The following RNF4 variants were observed in gnomAD, a reference collection of about 807,000 sequenced individuals.
RNF4 encodes the protein E3 ubiquitin-protein ligase RNF4.
RNF4 carries 7 observed loss-of-function variants against 24.3 expected under a neutral mutation model. The ratio of observed to expected loss-of-function variants is 0.29; its 90% CI spans 0.16 to 0.54. The LOEUF (loss-of-function observed/expected upper bound fraction) is 0.54, where lower values mean the gene tolerates loss of function less well. Among genes scored for constraint, RNF4 ranks in the 20% least tolerant of loss-of-function variants. The pLI is 0.95. For synonymous variants in RNF4, 83 were observed against 84.3 expected (o/e 0.98, Z 0.09); for missense variants, 209 against 248.5 (o/e 0.84, Z 1.07).
chr4:2,493,523 C>A (rs888095168), intron 2 of RNF4, among the ~76,000 whole-genome samples: 5 of 151,912 alleles, frequency 3.3e-5, no homozygotes, highest in African/African-American at 1.2e-4. Flanking sequence ...CATGGTGGAT[C>A]ACAAGGTCAG....
intron 4 of RNF4, among the ~76,000 whole-genome samples, chr4:2,504,699 C>A (rs1030039990): frequency 6.8e-6 from 1 of 148,022 alleles, no homozygotes; most frequent in Non-Finnish European, 1.5e-5. Flanking sequence ...TACAGGCAGC[C>A]GCCACCATGC....
At chr4:2,474,381 CAAAAAAAAAA>C (rs35982596) in intron 1 of RNF4, among the ~76,000 whole-genome samples, 9 of 105,288 alleles carry the variant, frequency 8.5e-5, no homozygotes, top group Admixed American at 3.2e-4. Context: ...GACTCTGTCT[CAAAAAAAAAA>C]AAAAAAAAAG....
intron 1 of RNF4, among the ~76,000 whole-genome samples, chr4:2,479,567 C>G (rs1258729684): frequency 2.6e-5 from 4 of 152,190 alleles, no homozygotes; most frequent in African/African-American, 7.2e-5. Flanking sequence ...CACAAGCTCT[C>G]TTTGCCTGCC....
chr4:2,515,747 A>G lies in RNF4; in HGVS notation c.*1928A>G, dbSNP rs1396878649. ...AATGTCTTTCCTTTTTTCAATGTAC[A>G]TAGTTCAACTCTTTCTTTGTTACAT... On this transcript the variant is annotated 3_prime_UTR_variant, in exon 8 of 8. Coordinates refer to ENST00000314289, the MANE Select transcript of RNF4 (RefSeq NM_002938.5). 1 of 152,634 alleles carries G rather than the reference A, an allele frequency of 6.6e-6. No individual in the cohort carries two copies. The highest frequency in any genetic ancestry group is 1.5e-5 in the Non-Finnish European group (1 of 68,036). The allele number at this position is 152,634 out of a possible 1,614,324, so 9.5% of individuals were successfully genotyped here. A position where few individuals can be genotyped will look rare whatever the true frequency, so the allele number is the denominator to read the frequency against.
chr4:2,493,105 C>G lies in RNF4; in HGVS notation c.9+2603C>G, dbSNP rs184026204. 3.9e-4 allele frequency among the ~76,000 whole-genome samples: 59 copies of G among 152,226 alleles called. 1 individual carries two copies. Among genetic ancestry groups the G allele is most frequent in the Admixed American group, 2.3e-3 (35 of 15,276 alleles). ...GCAGATATTCCTGGATTGATTGAGC[C>G]TGTCTTGAGTGGTGCAGGGAAGCTA... On this transcript the variant is annotated intron_variant, in intron 2 of 7. Transcript: ENST00000314289.
chr4:2,490,451 T>A lies in RNF4; in HGVS notation c.-43T>A. ...ACTTCCCTGCAAACCTTGGTATAGATCACTTCCTTTTCTGTAGGAAAGGAA... is the reference window on the plus strand; with the variant it reads ...ACTTCCCTGCAAACCTTGGTATAGAACACTTCCTTTTCTGTAGGAAAGGAA... On this transcript the variant is annotated 5_prime_UTR_variant, in exon 2 of 8. Transcript: ENST00000314289. 6.2e-7 allele frequency: 1 copy of A among 1,608,664 alleles called. No homozygotes were observed. The highest frequency in any genetic ancestry group is 2.2e-5 in the East Asian group (1 of 44,820).
intron 1 of RNF4, among the ~76,000 whole-genome samples, chr4:2,474,895 G>A (rs934075684): frequency 6.6e-6 from 1 of 151,980 alleles, no homozygotes; most frequent in Non-Finnish European, 1.5e-5. Flanking sequence ...GGCGTGGTGG[G>A]GCATGCCTGT....
chr4:2,481,338 A>G (rs1735237544), intron 1 of RNF4: 1 of 151,468 alleles, frequency 6.6e-6, no homozygotes, highest in African/African-American at 2.4e-5. Flanking sequence ...CCCTAATTCC[A>G]TTTTTCCTCA....
intron 1 of RNF4, among the ~76,000 whole-genome samples, chr4:2,477,153 G>A (rs182021922): frequency 4.6e-5 from 7 of 152,290 alleles, no homozygotes; most frequent in South Asian, 2.1e-4. Flanking sequence ...TACAGGTGCT[G>A]ATATGGTTTG....
At chr4:2,486,860 T>C (rs1560404043) in intron 1 of RNF4, among the ~76,000 whole-genome samples, 1 of 152,166 alleles carries the variant, frequency 6.6e-6, no homozygotes. Flanking sequence ...GACACGCTAT[T>C]GATGTGGCGG....
intron 3 of RNF4, 43 bp downstream of exon 3, chr4:2,497,164 G>T (rs1189953625): frequency 1.0e-5 from 15 of 1,456,302 alleles, no homozygotes; most frequent in African/African-American, 1.4e-5. Flanking sequence ...TGTTAAAGTG[G>T]AGAGAGAACA....
At position 2,490,627 on chromosome 4, in the gene RNF4, G is replaced by C. The variant is rs1735551555; in HGVS notation, c.9+125G>C. On this transcript the variant is annotated intron_variant, in intron 2 of 7. Coordinates refer to ENST00000314289, the MANE Select transcript of RNF4 (RefSeq NM_002938.5). The stretch of plus-strand genomic sequence containing the variant: ...CTAAGTAACCCCACTTCTTGAAGGA[G>C]TATGTATAGGAGCTTTCTGGTGGTT... The C allele has an allele frequency of 1.7e-5, 17 of 987,680 alleles. No homozygotes were observed. The Admixed American group carries it at 3.9e-4, about 23-fold the overall frequency. The allele number at this position is 987,680 out of a possible 1,614,324, so 61.2% of individuals were successfully genotyped here.
intron 7 of RNF4, 68 bp downstream of exon 7, chr4:2,513,199 C>A: frequency 6.9e-7 from 1 of 1,447,832 alleles, no homozygotes; most frequent in Non-Finnish European, 9.7e-7. Flanking sequence ...TTGGATGAGA[C>A]AGGATCTTCC....
At chr4:2,482,916 G>T (rs35950215) in intron 1 of RNF4, among the ~76,000 whole-genome samples, 6,848 of 152,278 alleles carry the variant, frequency 0.045, 198 homozygotes, top group South Asian at 0.13. Flanking sequence ...CTAAGCCGTT[G>T]TGATTAGCTA....
At chr4:2,499,401 C>T (rs1431461910) in intron 3 of RNF4, 2 of 384,020 alleles carry the variant, frequency 5.2e-6, no homozygotes, top group African/African-American at 2.2e-5. Flanking sequence ...CTCAGCCTCC[C>T]GAGTAGCTGG....
At chr4:2,469,785 G>A (rs1258884081) in intron 1 of RNF4, 2 of 152,240 alleles carry the variant, frequency 1.3e-5, no homozygotes, top group African/African-American at 2.4e-5. Flanking sequence ...GGGGCGCCGA[G>A]GTCGCAGTCT....
At chr4:2,495,279 C>G (rs1254268003) in intron 2 of RNF4, among the ~76,000 whole-genome samples, 1 of 152,182 alleles carries the variant, frequency 6.6e-6, no homozygotes, top group African/African-American at 2.4e-5. Context: ...TCAGGCTTAT[C>G]CCTGTTGCCT....
chr4:2,472,276 T>C (rs1734930477), intron 1 of RNF4, among the ~76,000 whole-genome samples: 1 of 152,232 alleles, frequency 6.6e-6, no homozygotes, highest in Non-Finnish European at 1.5e-5. Flanking sequence ...TTACTGAATA[T>C]TTTAAGCCCA....
chr4:2,473,394 C>G (rs1007050538), intron 1 of RNF4, among the ~76,000 whole-genome samples: 1 of 151,452 alleles, frequency 6.6e-6, no homozygotes, highest in Non-Finnish European at 1.5e-5. Context: ...AAAAAAAAAT[C>G]AATTAACACA....
Sources: allele counts gnomAD v4.1 joint callset (sites outside exome capture counted in the v4.1 genomes callset), GRCh38; gene constraint gnomAD v4.1.1; transcripts MANE v1.5; gene names NCBI Gene and HGNC (gene_info 2026-07-23, HGNC 2026-07-21).